Variants in SNTA1 observed in about 807,000 individuals in gnomAD.
SNTA1 encodes the protein syntrophin alpha 1.
In SNTA1, 31 loss-of-function variants were observed where a neutral mutation model predicts 47.1. The observed-to-expected ratio is 0.66, with a 90% CI of 0.49 to 0.89. The LOEUF is 0.89. SNTA1 is among the 40% of genes least tolerant of loss of function. The pLI, the probability that SNTA1 is intolerant of heterozygous loss-of-function variation, is 0.00. For synonymous variants in SNTA1, 300 were observed against 313.6 expected (o/e 0.96, Z 0.46); for missense variants, 575 against 693.0 (o/e 0.83, Z 1.91).
At chr20:33,432,919 A>C (rs975211614) in intron 2 of SNTA1, among the ~76,000 whole-genome samples, 1 of 151,978 alleles carries the variant, frequency 6.6e-6, no homozygotes, top group Admixed American at 6.6e-5. Flanking sequence ...ATAAAGCACT[A>C]AAATTCACTT....
At chr20:33,431,813 G>A (rs1990315448) in intron 2 of SNTA1, among the ~76,000 whole-genome samples, 4 of 152,194 alleles carry the variant, frequency 2.6e-5, no homozygotes, top group Admixed American at 2.6e-4. Context: ...TGAGCACAGT[G>A]TGGATGCTCA....
Position 33,417,881 on chromosome 20 carries a change from G to T in SNTA1, c.539C>A (p.Thr180Asn). The stretch of plus-strand genomic sequence containing the variant: ...GTCCCAGCCGACCGAGGTCCCACCA[G>T]TAGAGTTCTTGAAATACGGTGAGAC... ...KDVSPYFKNS[T>N]GGTSVGWDSP... Residue 180 changes from threonine (T) to asparagine (N), a missense_variant, in exon 3 of 8, where the codon ACT (threonine) becomes AAT (asparagine). Thr to Asn is a moderately conservative substitution (Grantham distance 65). Transcript: ENST00000217381. The T allele has an allele frequency of 6.2e-7, 1 of 1,614,164 alleles. No homozygotes were observed.
In SNTA1 at chr20:33,412,281, C is replaced by A; in HGVS notation, c.1040+15G>T. On this transcript the variant is annotated intron_variant, in intron 5 of 7. Transcript: ENST00000217381. ...CAAGTTCTGGGGGAGACATACTGCC[C>A]CTGCCTGTGGGTACCTGGTGGCGAT... The A allele has an allele frequency of 6.2e-7, 1 of 1,608,072 alleles. No individual in the cohort carries two copies.
intron 2 of SNTA1, among the ~76,000 whole-genome samples, chr20:33,421,129 C>T (rs906558749): frequency 9.5e-5 from 13 of 137,482 alleles, no homozygotes; most frequent in South Asian, 2.6e-4. Context: ...GCCATGATTA[C>T]GCCATTGCAC....
chr20:33,422,648 G>A (rs1277807502), intron 2 of SNTA1, among the ~76,000 whole-genome samples: 1 of 152,044 alleles, frequency 6.6e-6, no homozygotes, highest in Non-Finnish European at 1.5e-5. Context: ...GCATGGTGGT[G>A]TGCATCTGTA....
chr20:33,408,738 A>C lies in SNTA1; in HGVS notation c.1388T>G (p.Leu463Arg), dbSNP rs188835994. 1.4e-5 allele frequency: 23 copies of C among 1,614,072 alleles called. No individual in the cohort carries two copies. In the Admixed American group the frequency reaches 3.8e-4, roughly 27 times the overall value. Reference protein sequence around the residue: ...LQMSSDDGASLLFLDFGGAEG... With the variant: ...LQMSSDDGASRLFLDFGGAEG... ...AGCACCTCCAAAATCCAGGAAAAGG[A>C]GACTGGCACCGTCATCTGAAGACAT... Residue 463 changes from leucine (L) to arginine (R), a missense_variant, in exon 7 of 8, where the codon CTC becomes CGC. By Grantham distance (102) the Leu-to-Arg change is moderately radical. Coordinates refer to ENST00000217381, the MANE Select transcript of SNTA1 (RefSeq NM_003098.3).
intron 2 of SNTA1, among the ~76,000 whole-genome samples, chr20:33,435,051 G>A (rs1046864136): frequency 2.7e-5 from 4 of 147,220 alleles, no homozygotes; most frequent in East Asian, 2.0e-4. Context: ...GGAGTGCAGC[G>A]GCACAATCAC....
intron 2 of SNTA1, among the ~76,000 whole-genome samples, chr20:33,421,276 C>A (rs1990013487): frequency 6.6e-6 from 1 of 152,068 alleles, no homozygotes; most frequent in Non-Finnish European, 1.5e-5. Context: ...TAACCATGGA[C>A]AAGGTCATTT....
intron 4 of SNTA1, 37 bp from the exon 5 acceptor site, chr20:33,412,463 G>A: frequency 1.2e-6 from 2 of 1,608,928 alleles, no homozygotes; most frequent in Non-Finnish European, 1.7e-6. Context: ...ATGGGTGGGG[G>A]AAGAGAGGGC....
chr20:33,413,528 C>T (rs1341027522), intron 3 of SNTA1, among the ~76,000 whole-genome samples: 1 of 152,200 alleles, frequency 6.6e-6, no homozygotes, highest in East Asian at 1.9e-4. Context: ...CCTAATCTTG[C>T]CCCTTTCTCC....
At chr20:33,410,017 T>G (rs1337423264) in intron 6 of SNTA1, 118 bp downstream of exon 6, 1 of 1,021,218 alleles carries the variant, frequency 9.8e-7, no homozygotes, top group Non-Finnish European at 1.5e-6. Context: ...CCACCCACCT[T>G]GACCTCCAAA....
intron 3 of SNTA1, among the ~76,000 whole-genome samples, chr20:33,415,184 C>T (rs114166542): frequency 7.6e-4 from 116 of 152,338 alleles, no homozygotes; most frequent in African/African-American, 2.6e-3. Flanking sequence ...CAAATCTATA[C>T]TCATACATGC....
intron 1 of SNTA1, among the ~76,000 whole-genome samples, chr20:33,442,406 T>C (rs1990600665): frequency 6.6e-6 from 1 of 152,168 alleles, no homozygotes; most frequent in Non-Finnish European, 1.5e-5. Context: ...GCAGGAATAG[T>C]GAACCCAGCA....
intron 2 of SNTA1, among the ~76,000 whole-genome samples, chr20:33,431,633 C>CA (rs1990311856): frequency 6.6e-6 from 1 of 152,076 alleles, no homozygotes; most frequent in East Asian, 1.9e-4. Flanking sequence ...CCTGTAGTCC[C>CA]AGCTACTCGG....
chr20:33,428,402 C>G (rs551390580), intron 2 of SNTA1, among the ~76,000 whole-genome samples: 3 of 151,700 alleles, frequency 2.0e-5, no homozygotes, highest in South Asian at 4.2e-4. Context: ...GAGTGAGACA[C>G]TGTCTCAAAA....
chr20:33,421,802 A>G (rs1600848321), intron 2 of SNTA1, among the ~76,000 whole-genome samples: 2 of 150,840 alleles, frequency 1.3e-5, no homozygotes, highest in South Asian at 2.1e-4. Context: ...CCAAAAACAC[A>G]AAACATTAGC....
intron 2 of SNTA1, among the ~76,000 whole-genome samples, chr20:33,437,767 A>G (rs79313860): frequency 0.013 from 1,934 of 152,040 alleles, 12 homozygotes; most frequent in Non-Finnish European, 0.019. Context: ...CAGAGCTGAC[A>G]GAGTTTGAGG....
At chr20:33,442,464 A>G (rs1162453592) in intron 1 of SNTA1, among the ~76,000 whole-genome samples, 1 of 152,148 alleles carries the variant, frequency 6.6e-6, no homozygotes, top group Non-Finnish European at 1.5e-5. Context: ...TTGCTTTGGG[A>G]GTATCTGCTG....
chr20:33,432,531 G>C (rs1209620000), intron 2 of SNTA1, among the ~76,000 whole-genome samples: 1 of 152,206 alleles, frequency 6.6e-6, no homozygotes, highest in Non-Finnish European at 1.5e-5. Context: ...GGGGCTGAGA[G>C]ACAAGCTACA....
Sources: allele counts gnomAD v4.1 joint callset (sites outside exome capture counted in the v4.1 genomes callset), GRCh38; gene constraint gnomAD v4.1.1; transcripts MANE v1.5; gene names NCBI Gene and HGNC (gene_info 2026-07-23, HGNC 2026-07-21).